The following RAB10 variants were observed in gnomAD, a reference collection of about 807,000 sequenced individuals.
The protein encoded by RAB10 is ras-related protein Rab-10.
A neutral mutation model predicts 25.7 loss-of-function variants in RAB10; 5 were observed. That is an observed-to-expected ratio of 0.19 (90% CI 0.10 to 0.41). RAB10 has a LOEUF of 0.41. Ranked by LOEUF, RAB10 falls within the 10% of genes least tolerant of loss-of-function variation. The pLI is 1.00. For synonymous variants in RAB10, 89 were observed against 86.4 expected (o/e 1.03, Z -0.16); for missense variants, 103 against 245.8 (o/e 0.42, Z 3.89).
chr2:26,107,533 C>G (rs1012670423), intron 2 of RAB10, among the ~76,000 whole-genome samples: 1 of 152,114 alleles, frequency 6.6e-6, no homozygotes, highest in Non-Finnish European at 1.5e-5. Flanking sequence ...CGGTGGCTCA[C>G]GCCTGTAATC....
chr2:26,073,836 A>C (rs570023068), intron 1 of RAB10, among the ~76,000 whole-genome samples: 1 of 152,332 alleles, frequency 6.6e-6, no homozygotes, highest in East Asian at 1.9e-4. Context: ...AAATGGATGT[A>C]GATAAGATTT....
intron 1 of RAB10, among the ~76,000 whole-genome samples, chr2:26,063,871 C>T (rs1397308938): frequency 2.0e-5 from 3 of 152,182 alleles, no homozygotes; most frequent in Admixed American, 6.5e-5. Flanking sequence ...GACCTCAGCT[C>T]GCTGCAACCT....
intron 1 of RAB10, among the ~76,000 whole-genome samples, chr2:26,081,087 T>TA (rs1238908845): frequency 6.6e-6 from 1 of 152,128 alleles, no homozygotes; most frequent in Non-Finnish European, 1.5e-5. Context: ...CTGACGGTTT[T>TA]AAAAATGGAA....
intron 1 of RAB10, among the ~76,000 whole-genome samples, chr2:26,076,241 C>G (rs186855934): frequency 6.6e-6 from 1 of 152,192 alleles, no homozygotes; most frequent in African/African-American, 2.4e-5. Flanking sequence ...GTTAAAATTT[C>G]ACCTGATGCC....
chr2:26,053,628 G>GTAT (rs1342727056), intron 1 of RAB10, among the ~76,000 whole-genome samples: 1 of 152,164 alleles, frequency 6.6e-6, no homozygotes, highest in African/African-American at 2.4e-5. Flanking sequence ...CAAAGTGGGA[G>GTAT]TATTGTTCAT....
chr2:26,092,676 G>A (rs1667133567), intron 1 of RAB10, among the ~76,000 whole-genome samples: 1 of 152,000 alleles, frequency 6.6e-6, no homozygotes, highest in Non-Finnish European at 1.5e-5. Context: ...GGGGTTTAGC[G>A]CTTTCAGATT....
rs1443489647 is a variant in RAB10, at chr2:26,135,595, A to T, written c.*574A>T. ...GTTCTGGTGGAAGCATGTGCAGGAG[A>T]CATATCATCCAAACATAAACCATTA... is the stretch of plus-strand genomic sequence containing the variant. On this transcript the variant is annotated 3_prime_UTR_variant, in exon 6 of 6. Transcript: ENST00000264710. 1 of 152,654 alleles carries T rather than the reference A, an allele frequency of 6.6e-6. No individual in the cohort carries two copies. Among genetic ancestry groups the T allele is most frequent in the African/African-American group, 2.4e-5 (1 of 41,434 alleles). 9.5% of individuals were successfully genotyped at this position (152,654 alleles called of 1,614,324 possible). A position where few individuals can be genotyped will look rare whatever the true frequency, so the allele number is the denominator to read the frequency against.
At chr2:26,063,272 C>A (rs1212499965) in intron 1 of RAB10, among the ~76,000 whole-genome samples, 1 of 152,210 alleles carries the variant, frequency 6.6e-6, no homozygotes, top group Non-Finnish European at 1.5e-5. Context: ...GAGGGACCAT[C>A]TGTTCCTTAT....
intron 1 of RAB10, among the ~76,000 whole-genome samples, chr2:26,064,844 G>A (rs753651609): frequency 2.8e-4 from 43 of 152,126 alleles, no homozygotes; most frequent in Non-Finnish European, 5.0e-4. Flanking sequence ...GCCAGGAGTC[G>A]GAGACCAGTG....
At chr2:26,061,092 C>CTTTTTTTTTTTTTTTTTTTTTTTTTTTTT (rs5829993) in intron 1 of RAB10, among the ~76,000 whole-genome samples, 4 of 83,636 alleles carry the variant, frequency 4.8e-5, no homozygotes, top group Non-Finnish European at 6.5e-5. Context: ...TTATCTCTGT[C>CTTTTTTTTTTTTTTTTTTTTTTTTTTTTT]TTTTTTTTTT....
intron 1 of RAB10, among the ~76,000 whole-genome samples, chr2:26,095,731 T>C (rs1183326521): frequency 6.6e-6 from 1 of 151,788 alleles, no homozygotes; most frequent in Non-Finnish European, 1.5e-5. Context: ...GGGCAACATA[T>C]TGGGACGTCG....
intron 5 of RAB10, among the ~76,000 whole-genome samples, chr2:26,132,271 G>A (rs568856916): frequency 1.3e-5 from 2 of 152,288 alleles, no homozygotes; most frequent in Admixed American, 1.3e-4. Flanking sequence ...TGTTTGTTTT[G>A]AGACGGAATT....
At chr2:26,105,500 T>G (rs925203183) in intron 2 of RAB10, among the ~76,000 whole-genome samples, 4 of 151,886 alleles carry the variant, frequency 2.6e-5, no homozygotes, top group African/African-American at 9.7e-5. Context: ...ACTAAAAATA[T>G]TAAAATTAGC....
intron 3 of RAB10, among the ~76,000 whole-genome samples, chr2:26,122,354 C>T (rs1433183205): frequency 2.6e-5 from 4 of 152,002 alleles, no homozygotes; most frequent in Non-Finnish European, 5.9e-5. Flanking sequence ...GTAGGCTGGG[C>T]GCGGTGGCTC....
intron 5 of RAB10, among the ~76,000 whole-genome samples, chr2:26,128,738 AAAAT>A (rs1488991133): frequency 1.3e-5 from 2 of 152,230 alleles, no homozygotes; most frequent in Non-Finnish European, 2.9e-5. Flanking sequence ...ATTATGTAAG[AAAAT>A]AAATAATGCT....
chr2:26,122,025 A>T (rs1667811111), intron 3 of RAB10, among the ~76,000 whole-genome samples: 1 of 152,184 alleles, frequency 6.6e-6, no homozygotes, highest in African/African-American at 2.4e-5. Context: ...ACCTTGAATA[A>T]CACCATCAGA....
chr2:26,094,915 C>T (rs542326728), intron 1 of RAB10, among the ~76,000 whole-genome samples: 4 of 152,154 alleles, frequency 2.6e-5, no homozygotes, highest in Admixed American at 6.5e-5. Flanking sequence ...TTTGGGGGTT[C>T]GGTTGTCTTT....
chr2:26,098,636 A>G (rs1667279071), intron 1 of RAB10, 26 bp from the exon 2 acceptor site: 2 of 1,519,400 alleles, frequency 1.3e-6, no homozygotes, highest in Non-Finnish European at 1.8e-6. Flanking sequence ...CCACAGTTAC[A>G]GTTTACCTTT....
intron 1 of RAB10, among the ~76,000 whole-genome samples, chr2:26,043,163 A>G (rs1665927907): frequency 6.7e-6 from 1 of 149,088 alleles, no homozygotes; most frequent in Non-Finnish European, 1.5e-5. Context: ...AAGGTGGCTT[A>G]TGCCCGTAAA....
Sources: allele counts gnomAD v4.1 joint callset (sites outside exome capture counted in the v4.1 genomes callset), GRCh38; gene constraint gnomAD v4.1.1; transcripts MANE v1.5; gene names NCBI Gene and HGNC (gene_info 2026-07-23, HGNC 2026-07-21).